The following C6orf132 variants were observed in gnomAD, a reference collection of about 807,000 sequenced individuals.
C6orf132 encodes the protein chromosome 6 open reading frame 132.
Under a neutral mutation model 65.3 loss-of-function variants are expected in C6orf132, and 43 were observed. That is an observed-to-expected ratio of 0.66 (90% CI 0.52 to 0.85). The LOEUF (loss-of-function observed/expected upper bound fraction) is 0.85. C6orf132 is among the 40% of genes least tolerant of loss of function. The pLI is 0.00. For missense variants in C6orf132, 1,488 were observed against 1,548.8 expected, an observed-to-expected ratio of 0.96 and a Z score of 0.66; for synonymous variants, 631 against 654.1, an observed-to-expected ratio of 0.96 and a Z score of 0.54.
chr6:42,111,510 C>G (rs1028087102), intron 2 of C6orf132, among the ~76,000 whole-genome samples: 1 of 152,204 alleles, frequency 6.6e-6, no homozygotes, highest in South Asian at 2.1e-4. Context: ...TCCTGAACTC[C>G]TGACCTCGTG....
intron 3 of C6orf132, among the ~76,000 whole-genome samples, chr6:42,109,783 T>TA (rs1766468283): frequency 6.6e-6 from 1 of 152,144 alleles, no homozygotes; most frequent in African/African-American, 2.4e-5. Flanking sequence ...AGACATGACA[T>TA]ACATCCCATC....
At chr6:42,132,586 A>G (rs1582284119) in intron 1 of C6orf132, among the ~76,000 whole-genome samples, 1 of 151,422 alleles carries the variant, frequency 6.6e-6, no homozygotes, top group South Asian at 2.1e-4. Flanking sequence ...GCGGTGGCTC[A>G]CACCTATAAT....
Position 42,106,838 on chromosome 6 carries a change from G to T in C6orf132, c.1074C>A (p.Pro358=). ...TGAGCTCCCCAGGGCAGTCTGGCTC[G>T]GGGGCCCTGTCTGGGTAGACCTGGG... ...PASQVYPDRA[P]EPDCPGELKA... Residue 358 remains proline (P), a synonymous_variant, in exon 4 of 5, where the codon CCC becomes CCA. Transcript: ENST00000341865. The T allele has an allele frequency of 6.5e-7, 1 of 1,535,658 alleles. No homozygotes were observed. The highest frequency in any genetic ancestry group is 8.7e-7 in the Non-Finnish European group (1 of 1,146,646).
At chr6:42,135,604 A>C (rs1766928989) in intron 1 of C6orf132, among the ~76,000 whole-genome samples, 1 of 152,330 alleles carries the variant, frequency 6.6e-6, no homozygotes. Flanking sequence ...ATGGATCTCC[A>C]TGGAAGCTGA....
chr6:42,116,089 C>T (rs899585456), intron 2 of C6orf132, among the ~76,000 whole-genome samples: 2 of 151,554 alleles, frequency 1.3e-5, no homozygotes, highest in African/African-American at 4.9e-5. Flanking sequence ...GCCACCACAC[C>T]CGGCTAATTT....
intron 2 of C6orf132, among the ~76,000 whole-genome samples, chr6:42,113,809 G>A (rs1335869886): frequency 6.6e-6 from 1 of 150,694 alleles, no homozygotes; most frequent in Non-Finnish European, 1.5e-5. Context: ...GAGCAAGACT[G>A]TCTCAAAAAA....
rs1214136314 is a variant in C6orf132 at position 42,106,430 on chromosome 6, T to C, written c.1482A>G (p.Pro494=). 6.5e-7 allele frequency: 1 copy of C among 1,536,028 alleles called. No homozygotes were observed. The highest frequency in any genetic ancestry group is 2.4e-5 in the East Asian group (1 of 40,894). Residue 494 remains proline, a synonymous_variant, in exon 4 of 5, where the codon CCA becomes CCG. Coordinates refer to ENST00000341865, the MANE Select transcript of C6orf132 (RefSeq NM_001164446.3). The stretch of plus-strand genomic sequence containing the variant: ...CCTCCTTGCTCTGAGGGGCCACTGT[T>C]GGGCCTGGCCTGTGACTGAGGAATC... ...EDRFLSHRPG[P]TVAPQSKEGK...
chr6:42,137,767 G>A (rs1427755219), intron 1 of C6orf132, among the ~76,000 whole-genome samples: 1 of 150,884 alleles, frequency 6.6e-6, no homozygotes, highest in African/African-American at 2.4e-5. Flanking sequence ...GGCTGGGCGC[G>A]GTGGCTCACG....
intron 1 of C6orf132, among the ~76,000 whole-genome samples, chr6:42,129,169 TC>T (rs1429046704): frequency 6.6e-6 from 1 of 152,230 alleles, no homozygotes; most frequent in Non-Finnish European, 1.5e-5. Context: ...AGCTGGCTTT[TC>T]CCTCGAGTGT....
chr6:42,135,914 T>C (rs547202209), intron 1 of C6orf132, among the ~76,000 whole-genome samples: 75 of 152,260 alleles, frequency 4.9e-4, no homozygotes, highest in Admixed American at 1.3e-3. Flanking sequence ...CTCTAGACTC[T>C]GATTCCCTCA....
chr6:42,108,001 C>G (rs58448058), intron 3 of C6orf132, among the ~76,000 whole-genome samples: 1 of 152,178 alleles, frequency 6.6e-6, no homozygotes, highest in African/African-American at 2.4e-5. Context: ...CAGGTCCTGT[C>G]GGGGTGTCCC....
At chr6:42,133,361 T>C (rs1168651472) in intron 1 of C6orf132, among the ~76,000 whole-genome samples, 1 of 152,250 alleles carries the variant, frequency 6.6e-6, no homozygotes, top group Non-Finnish European at 1.5e-5. Flanking sequence ...GCAAACTCCC[T>C]TGGTGTCTGG....
At position 42,105,613 on chromosome 6, in the gene C6orf132, A is replaced by G. The variant is rs189132528; in HGVS notation, c.2299T>C (p.Cys767Arg). The G allele has an allele frequency of 2.0e-6, 3 of 1,536,840 alleles. No individual in the cohort carries two copies. The highest frequency in any genetic ancestry group is 2.6e-6 in the Non-Finnish European group (3 of 1,146,894). The part of the protein sequence containing the change: ...KTSPGGGEVP[C>R]LYKPHCHQSS... ...TGGTGGCAGTGGGGCTTGTAGAGAC[A>G]TGGCACCTCTCCTCCACCAGGAGAT... Residue 767 changes from cysteine to arginine, a missense_variant, in exon 4 of 5, where the codon TGT becomes CGT. Cys to Arg is a radical substitution (Grantham distance 180). Coordinates refer to ENST00000341865, the MANE Select transcript of C6orf132 (RefSeq NM_001164446.3).
rs1211929944 is a variant in C6orf132, at chr6:42,107,400, G to A, written c.512C>T (p.Pro171Leu). 1 of 1,385,580 alleles carries A rather than the reference G, an allele frequency of 7.2e-7. No individual in the cohort carries two copies. The highest frequency in any genetic ancestry group is 2.5e-5 in the East Asian group (1 of 39,396). The allele number at this position is 1,385,580 out of a possible 1,614,324, so 85.8% of individuals were successfully genotyped here. The change falls in exon 4 of 5, where the codon CCC (proline) becomes CTC (leucine). Residue 171 changes from proline to leucine, a missense_variant. Coordinates refer to ENST00000341865, the MANE Select transcript of C6orf132 (RefSeq NM_001164446.3). Reference sequence around the variant, plus strand: ...TTCCAGCAGCAGGGGAGGTGGTGGGGGTGCTGTGGAAGGTGGAGATGGCAG... The same window carrying A: ...TTCCAGCAGCAGGGGAGGTGGTGGGAGTGCTGTGGAAGGTGGAGATGGCAG... Reference protein sequence around the residue: ...SPLPSPPSTAPPPPPLLLEPP... With the variant: ...SPLPSPPSTALPPPPLLLEPP...
chr6:42,140,569 C>T (rs951238686), intron 1 of C6orf132, among the ~76,000 whole-genome samples: 20 of 152,122 alleles, frequency 1.3e-4, no homozygotes, highest in African/African-American at 4.3e-4. Flanking sequence ...TGGAGGTCAT[C>T]GAAATGTTCT....
chr6:42,139,260 ACT>A (rs1469742840), intron 1 of C6orf132, among the ~76,000 whole-genome samples: 15 of 151,966 alleles, frequency 9.9e-5, no homozygotes, highest in African/African-American at 3.1e-4. Context: ...CTCTAATCCC[ACT>A]CTCTCTGAGA....
intron 1 of C6orf132, among the ~76,000 whole-genome samples, chr6:42,136,591 C>T (rs1034780638): frequency 1.3e-5 from 2 of 152,208 alleles, no homozygotes; most frequent in South Asian, 4.1e-4. Context: ...ATCCAATCAT[C>T]GGCCACTAGG....
At chr6:42,130,356 A>G (rs1223319709) in intron 1 of C6orf132, among the ~76,000 whole-genome samples, 1 of 152,192 alleles carries the variant, frequency 6.6e-6, no homozygotes, top group Non-Finnish European at 1.5e-5. Context: ...GGGAAACAAC[A>G]AAAGTAGCTC....
At chr6:42,136,475 T>G (rs1457733582) in intron 1 of C6orf132, among the ~76,000 whole-genome samples, 1 of 152,206 alleles carries the variant, frequency 6.6e-6, no homozygotes, top group African/African-American at 2.4e-5. Context: ...GGGGAGTTTT[T>G]GCCTTGACTA....
Sources: gnomAD v4.1 joint callset for allele counts (sites outside exome capture counted in the v4.1 genomes callset) on GRCh38, gnomAD v4.1.1 for gene constraint, MANE v1.5 for transcripts, NCBI Gene and HGNC (gene_info 2026-07-23, HGNC 2026-07-21) for gene names.